DEDD2: variants seen among roughly 807,000 people sequenced by gnomAD.
DEDD2 encodes the protein death effector domain containing 2, also known as DNA-binding death effector domain-containing protein 2.
A neutral mutation model predicts 28.9 loss-of-function variants in DEDD2; 18 were observed. That is an observed-to-expected ratio of 0.62 (90% CI 0.43 to 0.92). The LOEUF (loss-of-function observed/expected upper bound fraction) is 0.92, where lower values mean the gene tolerates loss of function less well. Among genes scored for constraint, DEDD2 ranks in the 40% least tolerant of loss-of-function variants. The probability of loss-of-function intolerance (pLI) is 0.00; values close to 1 mark genes in which losing one functional copy is unlikely to be tolerated. For missense variants in DEDD2, 411 were observed against 463.3 expected (o/e 0.89, Z 1.04); for synonymous variants, 211 against 206.1 (o/e 1.02, Z -0.20).
Position 42,199,339 on chromosome 19 carries a change from G to C in DEDD2, c.*99C>G. The C allele has an allele frequency of 7.0e-7, 1 of 1,425,272 alleles. No individual in the cohort carries two copies. The highest frequency in any genetic ancestry group is 9.2e-7 in the Non-Finnish European group (1 of 1,088,972). The allele number at this position is 1,425,272 out of a possible 1,614,324, so 88.3% of individuals were successfully genotyped here. On this transcript the variant is annotated 3_prime_UTR_variant, in exon 5 of 5. Coordinates refer to ENST00000596251, the MANE Select transcript of DEDD2 (RefSeq NM_133328.4). The surrounding 1 kb of genome is among the most constrained non-coding windows in gnomAD (Gnocchi z 7.4). The stretch of plus-strand genomic sequence containing the variant: ...TCCCGGTCCTGTCGCAGTCCTCAAA[G>C]ATGCTAGAGTGACAGTCCTCTAGGG...
At chr19:42,205,333 C>A (rs2035489331) in intron 4 of DEDD2, among the ~76,000 whole-genome samples, 1 of 152,098 alleles carries the variant, frequency 6.6e-6, no homozygotes, top group Non-Finnish European at 1.5e-5. Flanking sequence ...GGCGTGAAAC[C>A]CTATTTTTAT....
chr19:42,204,597 C>G lies in DEDD2; in HGVS notation c.590-4768G>C, dbSNP rs1165320206. 9 of 153,116 alleles carry G rather than the reference C, an allele frequency of 5.9e-5. No homozygotes were observed. The Admixed American group carries it at 5.9e-4, about 10-fold the overall frequency. 9.5% of individuals were successfully genotyped at this position (153,116 alleles called of 1,614,324 possible). On this transcript the variant is annotated intron_variant, in intron 4 of 4. Transcript: ENST00000596251. The stretch of plus-strand genomic sequence containing the variant: ...GAGCCAAGTAAATCTCTTTTCTTTA[C>G]AAATTACACAGTCTCAGGTATTTCT...
Position 42,199,554 on chromosome 19 carries a change from C to T in DEDD2, c.865G>A (p.Gly289Ser). 3 of 1,614,126 alleles carry T rather than the reference C, an allele frequency of 1.9e-6. No individual in the cohort carries two copies. The highest frequency in any genetic ancestry group is 1.7e-6 in the Non-Finnish European group (2 of 1,179,984). The change falls in exon 5 of 5, where the codon GGC (glycine) becomes AGC (serine). Residue 289 changes from glycine (G) to serine (S), a missense_variant. By Grantham distance (56) the Gly-to-Ser change is moderately conservative. This residue lies in a region of DEDD2 where 129 missense variants were observed against 189.9 expected (regional missense o/e 0.68). Coordinates refer to ENST00000596251, the MANE Select transcript of DEDD2 (RefSeq NM_133328.4). This position sits in a 1 kb window ranked among gnomAD's most constrained non-coding sequence, Gnocchi z 7.4. ...FLTEALREAVGREAVRLLVSV... is the reference protein window; with the variant it reads ...FLTEALREAVSREAVRLLVSV... ...ACCAGCAGGCGAACAGCCTCCCGGC[C>T]CACAGCCTCTCGCAGGGCCTCAGTC...
intron 4 of DEDD2, among the ~76,000 whole-genome samples, chr19:42,204,805 G>A (rs892007421): frequency 4.0e-5 from 6 of 150,192 alleles, no homozygotes; most frequent in African/African-American, 1.5e-4. Context: ...CTGGACAATG[G>A]TGGGAACCCT....
intron 4 of DEDD2, among the ~76,000 whole-genome samples, chr19:42,203,294 G>T (rs2035404927): frequency 6.6e-6 from 1 of 152,198 alleles, no homozygotes; most frequent in African/African-American, 2.4e-5. Context: ...AGTTCAGATT[G>T]AAAGGATCAG....
At position 42,199,626 on chromosome 19, in the gene DEDD2, C is replaced by T. The variant is rs999390911; in HGVS notation, c.793G>A (p.Asp265Asn). ...TGCAGCAGGGCGCCACTCAGGTAGTCGCCCCAGAAGGCGTCCAGATAGGAG... is the reference window on the plus strand; with the variant it reads ...TGCAGCAGGGCGCCACTCAGGTAGTTGCCCCAGAAGGCGTCCAGATAGGAG... ...ELSYLDAFWGDYLSGALLQAL... is the reference protein window; with the variant it reads ...ELSYLDAFWGNYLSGALLQAL... The change falls in exon 5 of 5, where the codon GAC becomes AAC. Residue 265 changes from aspartate (D) to asparagine (N), a missense_variant. Physicochemically the swap from Asp to Asn is conservative, Grantham distance 23. Coordinates refer to ENST00000596251, the MANE Select transcript of DEDD2 (RefSeq NM_133328.4). This position sits in a 1 kb window ranked among gnomAD's most constrained non-coding sequence, Gnocchi z 7.4. 1.2e-6 allele frequency: 2 copies of T among 1,614,160 alleles called. No homozygotes were observed. The highest frequency in any genetic ancestry group is 2.2e-5 in the South Asian group (2 of 91,088).
intron 4 of DEDD2, among the ~76,000 whole-genome samples, chr19:42,201,113 T>C (rs1251451574): frequency 6.6e-6 from 1 of 152,054 alleles, no homozygotes; most frequent in East Asian, 1.9e-4. Flanking sequence ...GTGGGACAGG[T>C]CCTATTATCA....
In DEDD2 at chr19:42,199,021, G is replaced by A. The variant is rs1855338535; in HGVS notation, c.*417C>T. ...AGGCCAAAGAAGTGTGTGCTGGGAA[G>A]CAGGCCAGGGCAGAGGCCCAGGGAA... On this transcript the variant is annotated 3_prime_UTR_variant, in exon 5 of 5. Coordinates refer to ENST00000596251, the MANE Select transcript of DEDD2 (RefSeq NM_133328.4). The surrounding 1 kb of genome is among the most constrained non-coding windows in gnomAD (Gnocchi z 7.4). The A allele has an allele frequency of 1.1e-5, 2 of 178,358 alleles. No homozygotes were observed. Among genetic ancestry groups the A allele is most frequent in the Admixed American group, 1.2e-4 (2 of 17,376 alleles). The allele number at this position is 178,358 out of a possible 1,614,324, so 11.0% of individuals were successfully genotyped here. A position where few individuals can be genotyped will look rare whatever the true frequency, so the allele number is the denominator to read the frequency against.
Position 42,216,787 on chromosome 19 carries a change from CGCTCCA to C in DEDD2, c.215_220del (p.Leu72_Glu73del). On this transcript the variant is annotated inframe_deletion, in exon 2 of 5. Coordinates refer to ENST00000596251, the MANE Select transcript of DEDD2 (RefSeq NM_133328.4). ...GTTGCTCTCGTCGCACTGCCCGCGG[CGCTCCA>C]GCTCCAGCAGGAGCTCTAGGCCGCT... 5 of 1,588,028 alleles carry C rather than the reference CGCTCCA, an allele frequency of 3.1e-6. No homozygotes were observed. Among genetic ancestry groups the C allele is most frequent in the Non-Finnish European group, 4.3e-6 (5 of 1,167,554 alleles).
chr19:42,216,717 G>A lies in DEDD2; in HGVS notation c.291C>T (p.Asp97=), dbSNP rs779485147. The A allele has an allele frequency of 2.5e-6, 4 of 1,590,256 alleles. No homozygotes were observed. Among genetic ancestry groups the A allele is most frequent in the South Asian group, 1.1e-5 (1 of 89,116 alleles). ...GCTTGCGCGCCAGGTGCGGCAGCAG[G>A]TCGTGGCGGGCCAGCACGCGCAGGA... ...GQLLRVLARH[D]LLPHLARKRR... The change falls in exon 2 of 5, where the codon GAC becomes GAT. Residue 97 remains aspartate (D), a synonymous_variant. Coordinates refer to ENST00000596251, the MANE Select transcript of DEDD2 (RefSeq NM_133328.4).
intron 4 of DEDD2, among the ~76,000 whole-genome samples, chr19:42,206,908 G>A (rs1004350472): frequency 6.6e-6 from 1 of 152,176 alleles, no homozygotes; most frequent in African/African-American, 2.4e-5. Flanking sequence ...CAGATGGGGA[G>A]AGCCTCACTC....
intron 4 of DEDD2, among the ~76,000 whole-genome samples, chr19:42,205,804 G>A (rs958915706): frequency 6.6e-6 from 1 of 151,584 alleles, no homozygotes; most frequent in Non-Finnish European, 1.5e-5. Flanking sequence ...AATTGCAGGG[G>A]CCAGGCGGTG....
chr19:42,214,022 T>A (rs563258462), intron 3 of DEDD2, among the ~76,000 whole-genome samples: 3 of 152,324 alleles, frequency 2.0e-5, no homozygotes, highest in East Asian at 1.9e-4. Flanking sequence ...TAATTTACTT[T>A]CAAAGGGTTC....
chr19:42,214,740 G>A (rs963901063), intron 3 of DEDD2, among the ~76,000 whole-genome samples: 1 of 152,138 alleles, frequency 6.6e-6, no homozygotes, highest in African/African-American at 2.4e-5. Flanking sequence ...TCCAGCCTGG[G>A]TGACAGACCA....
chr19:42,215,916 CCA>C (rs2035949110), intron 2 of DEDD2, among the ~76,000 whole-genome samples: 1 of 152,184 alleles, frequency 6.6e-6, no homozygotes, highest in Admixed American at 6.5e-5. Context: ...ATCCTGGCTC[CCA>C]CACTTCCCAG....
At chr19:42,214,259 C>G (rs1416499553) in intron 3 of DEDD2, among the ~76,000 whole-genome samples, 1 of 152,166 alleles carries the variant, frequency 6.6e-6, no homozygotes, top group Non-Finnish European at 1.5e-5. Flanking sequence ...AGTTCGAGAC[C>G]AGCTTGGGCA....
chr19:42,199,319 G>T lies in DEDD2; in HGVS notation c.*119C>A. 1 of 1,376,662 alleles carries T rather than the reference G, an allele frequency of 7.3e-7. No homozygotes were observed. The highest frequency in any genetic ancestry group is 2.9e-5 in the Admixed American group (1 of 34,846). 85.3% of individuals were successfully genotyped at this position (1,376,662 alleles called of 1,614,324 possible). On this transcript the variant is annotated 3_prime_UTR_variant, in exon 5 of 5. Coordinates refer to ENST00000596251, the MANE Select transcript of DEDD2 (RefSeq NM_133328.4). This position sits in a 1 kb window ranked among gnomAD's most constrained non-coding sequence, Gnocchi z 7.4. ...GGCTGTCAAGGGGCCTGCTGTCCCG[G>T]TCCTGTCGCAGTCCTCAAAGATGCT...
At chr19:42,208,313 CCCTT>C (rs2035614817) in intron 4 of DEDD2, among the ~76,000 whole-genome samples, 1 of 144,466 alleles carries the variant, frequency 6.9e-6, no homozygotes, top group Admixed American at 6.8e-5. Context: ...ATGGCCAGTG[CCCTT>C]CCTTATTTCC....
At chr19:42,207,150 C>G (rs1426840919) in intron 4 of DEDD2, among the ~76,000 whole-genome samples, 1 of 152,174 alleles carries the variant, frequency 6.6e-6, no homozygotes, top group Non-Finnish European at 1.5e-5. Flanking sequence ...CAACCACCCC[C>G]TCAAACCCTG....
Sources: allele counts gnomAD v4.1 joint callset (sites outside exome capture counted in the v4.1 genomes callset), GRCh38; gene constraint gnomAD v4.1.1; regional missense constraint gnomAD v4.1.1; non-coding constraint Gnocchi (gnomAD v3.1); transcripts MANE v1.5; gene names NCBI Gene and HGNC (gene_info 2026-07-23, HGNC 2026-07-21).